Variants in DBX2 observed in about 807,000 individuals in gnomAD.
DBX2 encodes the protein developing brain homeobox 2, also known as homeobox protein DBX2.
Under a neutral mutation model 17.7 loss-of-function variants are expected in DBX2, and 16 were observed. The observed-to-expected ratio is 0.90, with a 90% CI of 0.61 to 1.37. The LOEUF is 1.37. Among genes scored for constraint, DBX2 ranks in the 40% most tolerant of loss-of-function variants. The pLI is 0.00. For missense variants in DBX2, 538 were observed against 433.8 expected, an observed-to-expected ratio of 1.24 and a Z score of -2.13; for synonymous variants, 255 against 183.8, an observed-to-expected ratio of 1.39 and a Z score of -3.13.
At chr12:45,046,153 C>T (rs1006881695) in intron 1 of DBX2, among the ~76,000 whole-genome samples, 29 of 152,070 alleles carry the variant, frequency 1.9e-4, no homozygotes, top group African/African-American at 6.5e-4. Context: ...TTATTTTATC[C>T]ACTGCAAGAA....
chr12:45,050,955 G>C lies in DBX2; in HGVS notation c.-28C>G, dbSNP rs1000751143. 3 of 1,397,562 alleles carry C rather than the reference G, an allele frequency of 2.1e-6. No homozygotes were observed. The highest frequency in any genetic ancestry group is 3.0e-5 in the African/African-American group (2 of 65,872). 86.6% of individuals were successfully genotyped at this position (1,397,562 alleles called of 1,614,324 possible). A position where few individuals can be genotyped will look rare whatever the true frequency, so the allele number is the denominator to read the frequency against. On this transcript the variant is annotated 5_prime_UTR_variant, in exon 1 of 4. Transcript: ENST00000332700. ...TGCGGCGCCAACCGGTCTGCTGCGC[G>C]CCCGCCTTGCGCCCGCCTGTCGCCC...
intron 1 of DBX2, among the ~76,000 whole-genome samples, chr12:45,049,683 T>C (rs1262376029): frequency 6.6e-6 from 1 of 150,494 alleles, no homozygotes; most frequent in Non-Finnish European, 1.5e-5. Flanking sequence ...AAAAATCCAA[T>C]TGGGTCTCAG....
chr12:45,044,775 G>T (rs1946490909), intron 1 of DBX2, among the ~76,000 whole-genome samples: 1 of 151,990 alleles, frequency 6.6e-6, no homozygotes, highest in Non-Finnish European at 1.5e-5. Context: ...ACAAAAGTGT[G>T]CCCCTGACAT....
At chr12:45,040,101 T>A (rs1349926067) in intron 1 of DBX2, among the ~76,000 whole-genome samples, 1 of 152,114 alleles carries the variant, frequency 6.6e-6, no homozygotes, top group African/African-American at 2.4e-5. Context: ...TTTGAGTCAG[T>A]GGGCTGGGAA....
chr12:45,034,564 T>C (rs1946425190), intron 2 of DBX2, among the ~76,000 whole-genome samples: 1 of 152,150 alleles, frequency 6.6e-6, no homozygotes, highest in South Asian at 2.1e-4. Flanking sequence ...ACTTCCAAAA[T>C]AGTAGTGTAT....
intron 2 of DBX2, 22 bp downstream of exon 2, chr12:45,035,997 C>T: frequency 6.2e-7 from 1 of 1,603,356 alleles, no homozygotes; most frequent in Non-Finnish European, 8.5e-7. Context: ...TGAGGCATTG[C>T]TGATGAAGGA....
At chr12:45,016,938 C>T (rs879496012) in intron 3 of DBX2, among the ~76,000 whole-genome samples, 14 of 152,102 alleles carry the variant, frequency 9.2e-5, no homozygotes, top group Admixed American at 8.5e-4. Flanking sequence ...CATGCACCAC[C>T]ATAACCGGCT....
At position 45,015,255 on chromosome 12, in the gene DBX2, C is replaced by G. The variant is rs1946317008; in HGVS notation, c.*1031G>C. Reference sequence around the variant, plus strand: ...ACCTGATATATAAAGTGTATGCCACCTAAGTGGAAAATTGAGTCCCTAACT... The same window carrying G: ...ACCTGATATATAAAGTGTATGCCACGTAAGTGGAAAATTGAGTCCCTAACT... On this transcript the variant is annotated 3_prime_UTR_variant, in exon 4 of 4. Transcript: ENST00000332700. 6.6e-6 allele frequency: 1 copy of G among 152,092 alleles called. No homozygotes were observed. Among genetic ancestry groups the G allele is most frequent in the South Asian group, 2.1e-4 (1 of 4,814 alleles). The allele number at this position is 152,092 out of a possible 1,614,324, so 9.4% of individuals were successfully genotyped here.
At chr12:45,028,319 G>A (rs975024834) in intron 2 of DBX2, among the ~76,000 whole-genome samples, 2 of 152,122 alleles carry the variant, frequency 1.3e-5, no homozygotes, top group Non-Finnish European at 2.9e-5. Context: ...TTTTAGAAAG[G>A]CAAATGTCCT....
chr12:45,030,890 A>G (rs954541175), intron 2 of DBX2, among the ~76,000 whole-genome samples: 1 of 152,212 alleles, frequency 6.6e-6, no homozygotes, highest in Non-Finnish European at 1.5e-5. Context: ...ATCCTTTTAT[A>G]TAGATTCAAT....
chr12:45,027,896 A>G (rs548802266), intron 2 of DBX2, among the ~76,000 whole-genome samples: 6 of 152,334 alleles, frequency 3.9e-5, no homozygotes, highest in African/African-American at 9.6e-5. Context: ...CATAGTCGAT[A>G]AGAAAAAGTC....
intron 2 of DBX2, among the ~76,000 whole-genome samples, chr12:45,031,225 T>TGTGTGTGAGAGA (rs1377897653): frequency 0.036 from 3,108 of 85,592 alleles, 85 homozygotes; most frequent in Non-Finnish European, 0.05. Context: ...TGTGTGTGTG[T>TGTGTGTGAGAGA]GAGAGAGAGA....
At chr12:45,043,973 A>G (rs1045465207) in intron 1 of DBX2, among the ~76,000 whole-genome samples, 3 of 152,214 alleles carry the variant, frequency 2.0e-5, no homozygotes, top group Non-Finnish European at 4.4e-5. Context: ...CAGAATCAGT[A>G]ATCTGAAGAC....
rs759711434 is a variant in DBX2 at position 45,016,409 on chromosome 12, T to G, written c.897A>C (p.Ser299=). 1 of 1,614,064 alleles carries G rather than the reference T, an allele frequency of 6.2e-7. No individual in the cohort carries two copies. The highest frequency in any genetic ancestry group is 8.5e-7 in the Non-Finnish European group (1 of 1,179,966). The change falls in exon 4 of 4, where the codon TCA becomes TCC. Residue 299 remains serine, a synonymous_variant. Transcript: ENST00000332700. ...CTGAACTCTCCTGGATTAGTCTTTC[T>G]GAAGGTTCTGGAGAATTCTCCCTCC... is the stretch of plus-strand genomic sequence containing the variant. The part of the protein sequence containing the change: ...PRWRENSPEP[S]ERLIQESSGA...
chr12:45,050,143 C>G (rs1946521517), intron 1 of DBX2, among the ~76,000 whole-genome samples: 2 of 152,116 alleles, frequency 1.3e-5, no homozygotes. Flanking sequence ...TCGTGCAGCC[C>G]GGGAAACAGG....
chr12:45,040,434 C>T (rs1484628866), intron 1 of DBX2, among the ~76,000 whole-genome samples: 1 of 152,026 alleles, frequency 6.6e-6, no homozygotes. Context: ...GACTGATACA[C>T]CTACCAATCA....
At chr12:45,035,441 TGTCA>T (rs1946434812) in intron 2 of DBX2, among the ~76,000 whole-genome samples, 1 of 152,202 alleles carries the variant, frequency 6.6e-6, no homozygotes, top group Admixed American at 6.5e-5. Context: ...TTTGAAAGTC[TGTCA>T]TTCTCACTCC....
intron 3 of DBX2, 26 bp downstream of exon 3, chr12:45,023,681 G>C: frequency 6.2e-7 from 1 of 1,613,438 alleles, no homozygotes. Flanking sequence ...ATCAGAGGCA[G>C]TAGACATCTT....
At chr12:45,050,028 G>A (rs1242734329) in intron 1 of DBX2, among the ~76,000 whole-genome samples, 1 of 152,028 alleles carries the variant, frequency 6.6e-6, no homozygotes, top group African/African-American at 2.4e-5. Context: ...ATCTTTGCGC[G>A]CGTTCCTGAG....
Sources: allele counts gnomAD v4.1 joint callset (sites outside exome capture counted in the v4.1 genomes callset), GRCh38; gene constraint gnomAD v4.1.1; transcripts MANE v1.5; gene names NCBI Gene and HGNC (gene_info 2026-07-23, HGNC 2026-07-21).